The following BRI3BP variants were observed in gnomAD, a reference collection of about 807,000 sequenced individuals.
BRI3BP encodes the protein BRI3-binding protein.
BRI3BP carries 7 observed loss-of-function variants against 15.8 expected under a neutral mutation model. The observed-to-expected ratio is 0.44, with a 90% confidence interval of 0.25 to 0.83. The LOEUF (loss-of-function observed/expected upper bound fraction) is 0.83. Ranked by LOEUF, BRI3BP falls within the 40% of genes least tolerant of loss-of-function variation. BRI3BP has a pLI of 0.20. For missense variants in BRI3BP, 320 were observed against 339.3 expected (o/e 0.94, Z 0.45); for synonymous variants, 192 against 163.5 (o/e 1.17, Z -1.33).
At chr12:125,020,962 T>TA (rs1565906421) in intron 2 of BRI3BP, among the ~76,000 whole-genome samples, 1 of 152,124 alleles carries the variant, frequency 6.6e-6, no homozygotes, top group African/African-American at 2.4e-5. Flanking sequence ...CTATGGAAAA[T>TA]ATATCAGTTA....
chr12:125,034,144 T>C (rs1955426136), downstream of BRI3BP, among the ~76,000 whole-genome samples: 1 of 151,998 alleles, frequency 6.6e-6, no homozygotes, highest in African/African-American at 2.4e-5. Flanking sequence ...CTTCCTGGGT[T>C]CAAGCAATTC....
At chr12:125,014,972 G>C (rs1955230604) in intron 2 of BRI3BP, among the ~76,000 whole-genome samples, 1 of 152,150 alleles carries the variant, frequency 6.6e-6, no homozygotes, top group Non-Finnish European at 1.5e-5. Flanking sequence ...TTACCATGTT[G>C]CCCAGGCTGG....
chr12:125,023,836 C>T (rs1411006100), intron 2 of BRI3BP, among the ~76,000 whole-genome samples: 1 of 152,190 alleles, frequency 6.6e-6, no homozygotes, highest in Non-Finnish European at 1.5e-5. Context: ...CTTTGGGAGG[C>T]TGAGGAGGTG....
intron 2 of BRI3BP, among the ~76,000 whole-genome samples, chr12:125,017,832 C>T (rs987488339): frequency 1.2e-4 from 18 of 152,280 alleles, no homozygotes; most frequent in Admixed American, 2.6e-4. Context: ...TTCAGTGATG[C>T]GTCGGCACAG....
At chr12:125,039,032 G>C in the BRI3BP span, among the ~76,000 whole-genome samples, 1 of 152,336 alleles carries the variant, frequency 6.6e-6, no homozygotes, top group South Asian at 2.1e-4. Flanking sequence ...GGAGGTTGCA[G>C]TGAGCTGAGA....
rs368436834 is a variant in BRI3BP, at chr12:125,000,458, C to T, written c.213+6455C>T. The stretch of plus-strand genomic sequence containing the variant: ...CCTCCCGAGTAGCTGGGACTACAGA[C>T]GCCCACCACCACGCCCGGCTAATTT... On this transcript the variant is annotated intron_variant, in intron 1 of 2. Transcript: ENST00000341446. Among the ~76,000 whole-genome samples, 380 of 151,628 alleles carry T rather than the reference C, an allele frequency of 2.5e-3. 4 individuals carry two copies. Among genetic ancestry groups the T allele is most frequent in the African/African-American group, 8.8e-3 (365 of 41,348 alleles).
the BRI3BP span, among the ~76,000 whole-genome samples, chr12:125,049,773 C>G: frequency 1.3e-5 from 2 of 152,222 alleles, no homozygotes. Flanking sequence ...GCCGATGTGG[C>G]CCAACTCTCT....
intron 1 of BRI3BP, among the ~76,000 whole-genome samples, chr12:124,999,103 AT>A (rs1277958028): frequency 1.3e-5 from 2 of 152,148 alleles, no homozygotes; most frequent in African/African-American, 4.8e-5. Context: ...CAAATGAAAA[AT>A]TTCAAGCACC....
In BRI3BP at chr12:125,025,636, C is replaced by T. The variant is rs566637366; in HGVS notation, c.*206C>T. On this transcript the variant is annotated 3_prime_UTR_variant, in exon 3 of 3. Transcript: ENST00000341446. ...AAGATCATTGACGTGGAACTACACA[C>T]GAAGTGTAATTAGTGGGGGAAAAAA... 3.3e-5 allele frequency: 18 copies of T among 545,488 alleles called. No individual in the cohort carries two copies. The highest frequency in any genetic ancestry group is 4.6e-4 in the Middle Eastern group (1 of 2,156). 33.8% of individuals were successfully genotyped at this position (545,488 alleles called of 1,614,324 possible).
chr12:125,044,450 ATT>A, the BRI3BP span, among the ~76,000 whole-genome samples: 85 of 138,144 alleles, frequency 6.2e-4, no homozygotes, highest in Non-Finnish European at 5.9e-4. Flanking sequence ...TGCCCGGCCA[ATT>A]TTTTTTTTTT....
chr12:125,014,307 G>A (rs1279617117), intron 2 of BRI3BP, among the ~76,000 whole-genome samples: 1 of 152,194 alleles, frequency 6.6e-6, no homozygotes, highest in African/African-American at 2.4e-5. Context: ...CCTGGTCCCA[G>A]CTGCCACCTG....
chr12:124,993,846 T>TGCC lies in BRI3BP; in HGVS notation c.58_59insCGC (p.Leu19_Leu20insPro), dbSNP rs751450730. 3.7e-4 allele frequency: 438 copies of TGCC among 1,196,150 alleles called. 2 individuals are homozygous for TGCC. In the East Asian group the frequency reaches 0.013, roughly 34 times the overall value. The allele number at this position is 1,196,150 out of a possible 1,614,324, so 74.1% of individuals were successfully genotyped here. On this transcript the variant is annotated inframe_insertion, in exon 1 of 3. Transcript: ENST00000341446. ...GCCCGGGCCGGGCTCCTGCTGCTGC[T>TGCC]GCTGCTGCTGCTGCTGCTCGGGCTG...
chr12:125,007,276 A>G (rs11057978), intron 1 of BRI3BP, among the ~76,000 whole-genome samples: 5,912 of 152,046 alleles, frequency 0.039, 240 homozygotes, highest in Admixed American at 0.13. Flanking sequence ...TAGGTTGAGC[A>G]CGGTGGATCA....
chr12:125,035,305 G>T (rs989210902), downstream of BRI3BP, among the ~76,000 whole-genome samples: 1 of 151,960 alleles, frequency 6.6e-6, no homozygotes, highest in African/African-American at 2.4e-5. Flanking sequence ...CCCACTGTGT[G>T]TGAGAATTCC....
intron 2 of BRI3BP, among the ~76,000 whole-genome samples, chr12:125,022,541 A>ATTTTTTTTT (rs770844998): frequency 0.035 from 4,879 of 139,318 alleles, 131 homozygotes; most frequent in Admixed American, 0.071. Context: ...TTATTTATTT[A>ATTTTTTTTT]TTTTTTGAGA....
the BRI3BP span, among the ~76,000 whole-genome samples, chr12:125,040,013 C>T: frequency 6.6e-6 from 1 of 152,132 alleles, no homozygotes; most frequent in East Asian, 1.9e-4. Flanking sequence ...CCTATAATCC[C>T]AGCACTTTGG....
At chr12:125,034,832 C>G (rs1435228792), downstream of BRI3BP, among the ~76,000 whole-genome samples, 1 of 152,158 alleles carries the variant, frequency 6.6e-6, no homozygotes, top group Non-Finnish European at 1.5e-5. Context: ...TTGTATTCTG[C>G]CCACCTTGGC....
rs1316259735 is a variant in BRI3BP at position 125,027,750 on chromosome 12, C to T, written c.*2320C>T. 2 of 151,884 alleles carry T rather than the reference C, an allele frequency of 1.3e-5. No individual in the cohort carries two copies. The highest frequency in any genetic ancestry group is 2.9e-5 in the Non-Finnish European group (2 of 67,990). The allele number at this position is 151,884 out of a possible 1,614,324, so 9.4% of individuals were successfully genotyped here. A position where few individuals can be genotyped will look rare whatever the true frequency, so the allele number is the denominator to read the frequency against. On this transcript the variant is annotated 3_prime_UTR_variant, in exon 3 of 3. Coordinates refer to ENST00000341446, the MANE Select transcript of BRI3BP (RefSeq NM_080626.6). ...TCAACCAGGCTGGAGTGCAGTGGCA[C>T]CATCTCGGCTCACTGCAAGCTCCGC... is the stretch of plus-strand genomic sequence containing the variant.
the BRI3BP span, among the ~76,000 whole-genome samples, chr12:125,047,220 C>T: frequency 2.0e-5 from 3 of 151,470 alleles, no homozygotes; most frequent in Non-Finnish European, 4.4e-5. Context: ...GCGATCTCGG[C>T]TCACTGCAAG....
Sources: gnomAD v4.1 joint callset for allele counts (sites outside exome capture counted in the v4.1 genomes callset) on GRCh38, gnomAD v4.1.1 for gene constraint, MANE v1.5 for transcripts, NCBI Gene and HGNC (gene_info 2026-07-23, HGNC 2026-07-21) for gene names.